Variants in WDR87 observed in about 807,000 individuals in gnomAD.
WDR87 encodes the protein WD repeat-containing protein 87.
Under a neutral mutation model 83.3 loss-of-function variants are expected in WDR87, and 56 were observed. The observed-to-expected ratio is 0.67, with a 90% CI of 0.54 to 0.84. The LOEUF (loss-of-function observed/expected upper bound fraction) is 0.84. Among genes scored for constraint, WDR87 ranks in the 40% least tolerant of loss-of-function variants. WDR87 has a pLI of 0.00. For synonymous variants in WDR87, 1,173 were observed against 1,250.6 expected (o/e 0.94, Z 1.31); for missense variants, 2,939 against 3,431.9 (o/e 0.86, Z 3.59).
At chr19:37,891,318 C>T (rs2046203131) in intron 5 of WDR87, among the ~76,000 whole-genome samples, 1 of 152,050 alleles carries the variant, frequency 6.6e-6, no homozygotes, top group Non-Finnish European at 1.5e-5. Flanking sequence ...CACCCACCAT[C>T]ATGCCTGGCT....
At position 37,887,770 on chromosome 19, in the gene WDR87, C is replaced by A. The variant is rs896256105; in HGVS notation, c.5901G>T (p.Glu1967Asp). ...ATTTCATTTTTTCCTGGGCCAATTT[C>A]TCCTGTTTTTTGGCCAAACTATCCT... ...QVEDSLAKKQ[E>D]KLAQEKMKLA... The change falls in exon 6 of 6, where the codon GAG (glutamate) becomes GAT (aspartate). Residue 1967 changes from glutamate (E) to aspartate (D), a missense_variant. Physicochemically the swap from Glu to Asp is conservative, Grantham distance 45. This residue lies in a region of WDR87 where 2,160 missense variants were observed against 2,533.1 expected (regional missense o/e 0.85). Transcript: ENST00000447313. 63 of 1,551,804 alleles carry A rather than the reference C, an allele frequency of 4.1e-5. 1 individual carries two copies. The highest frequency in any genetic ancestry group is 5.3e-5 in the Non-Finnish European group (61 of 1,147,070).
chr19:37,893,099 T>C lies in WDR87; in HGVS notation c.2604A>G (p.Val868=), dbSNP rs367689404. Residue 868 remains valine, a synonymous_variant, in exon 4 of 6, where the codon GTA becomes GTG. Transcript: ENST00000447313. ...SQEFFFWHSR[V]RAISNTEYPK... ...GATATTCTGTATTACTTATAGCTCTTACCCTGCTGTGCCAGAAAAAGAATT... is the reference window on the plus strand; with the variant it reads ...GATATTCTGTATTACTTATAGCTCTCACCCTGCTGTGCCAGAAAAAGAATT... 6.4e-6 allele frequency: 10 copies of C among 1,551,678 alleles called. No homozygotes were observed. In the African/African-American group the frequency reaches 1.4e-4, roughly 21 times the overall value.
Position 37,898,148 on chromosome 19 carries a change from T to C in WDR87, c.75+17A>G. ...GCAGCCAACCTATAATATGTTTATG[T>C]CCTACATATACATTACCTTGCTTTT... On this transcript the variant is annotated intron_variant, in intron 2 of 5. Transcript: ENST00000447313. The C allele has an allele frequency of 1.3e-6, 2 of 1,551,446 alleles. No homozygotes were observed. The highest frequency in any genetic ancestry group is 1.4e-5 in the African/African-American group (1 of 73,160).
chr19:37,894,250 C>T lies in WDR87; in HGVS notation c.1453G>A (p.Val485Met). The change falls in exon 4 of 6, where the codon GTG (valine) becomes ATG (methionine). Residue 485 changes from valine (V) to methionine (M), a missense_variant. Val to Met is a conservative substitution (Grantham distance 21, BLOSUM62 1). Transcript: ENST00000447313. ...GLIFSGHQSG[V>M]IRVLSQHSCA... ...CTGTGCTGGGAGAGCACTCTTATCA[C>T]ACCACTCTGGTGCCCAGAGAATATC... The T allele has an allele frequency of 5.8e-6, 9 of 1,551,852 alleles. No individual in the cohort carries two copies. Among genetic ancestry groups the T allele is most frequent in the Non-Finnish European group, 7.8e-6 (9 of 1,147,026 alleles).
chr19:37,890,148 C>A lies in WDR87; in HGVS notation c.3523G>T (p.Val1175Phe). ...GTGCTTGAAGACCATTGGGAATAGA[C>A]GGATGCTTCCTCCATCTCAATTGGT... ...AAPIEMEEAS[V>F]YSQWSSSTSV... Residue 1175 changes from valine (V) to phenylalanine (F), a missense_variant, in exon 6 of 6, where the codon GTC becomes TTC. Transcript: ENST00000447313. The A allele has an allele frequency of 1.3e-6, 2 of 1,551,902 alleles. No individual in the cohort carries two copies. Among genetic ancestry groups the A allele is most frequent in the Admixed American group, 2.0e-5 (1 of 50,984 alleles).
At position 37,888,364 on chromosome 19, in the gene WDR87, C is replaced by A; in HGVS notation, c.5307G>T (p.Trp1769Cys). 2 of 1,551,996 alleles carry A rather than the reference C, an allele frequency of 1.3e-6. No individual in the cohort carries two copies. The highest frequency in any genetic ancestry group is 1.7e-6 in the Non-Finnish European group (2 of 1,147,074). ...ELEWDMEELS[W>C]KEEELNQEEG... is the part of the protein sequence containing the mutation. ...CTTCCTGATTCAGTTCCTCTTCTTTCCAAGACAGTTCTTCCATGTCCCATT... is the reference window on the plus strand; with the variant it reads ...CTTCCTGATTCAGTTCCTCTTCTTTACAAGACAGTTCTTCCATGTCCCATT... The change falls in exon 6 of 6, where the codon TGG (tryptophan) becomes TGT (cysteine). Residue 1769 changes from tryptophan to cysteine, a missense_variant. Coordinates refer to ENST00000447313, the MANE Select transcript of WDR87 (RefSeq NM_001291088.2).
chr19:37,889,224 G>T lies in WDR87; in HGVS notation c.4447C>A (p.Gln1483Lys). ...MATLEEKVVKQEGKLVMIERT... is the reference protein window; with the variant it reads ...MATLEEKVVKKEGKLVMIERT... ...TCAATCATAACCAGTTTTCCTTCTT[G>T]TTTGACCACTTTCTCCTCTAGTGTG... The change falls in exon 6 of 6, where the codon CAA becomes AAA. Residue 1483 changes from glutamine (Q) to lysine (K), a missense_variant. Gln to Lys is a moderately conservative substitution (Grantham distance 53). Around this residue, in one of 3 missense-constraint regions of WDR87, gnomAD observed 2,160 missense variants for 2,533.1 expected, o/e 0.85. Transcript: ENST00000447313. 6.4e-7 allele frequency: 1 copy of T among 1,551,876 alleles called. No individual in the cohort carries two copies.
intron 1 of WDR87, among the ~76,000 whole-genome samples, chr19:37,904,710 C>T (rs1393932853): frequency 6.6e-6 from 1 of 152,154 alleles, no homozygotes; most frequent in Non-Finnish European, 1.5e-5. Context: ...ATTCACTTTT[C>T]TCTTAATATA....
rs2046169813 is a variant in WDR87 at position 37,888,310 on chromosome 19, TTTC to T, written c.5358_5360del (p.Lys1787del). The T allele has an allele frequency of 6.4e-7, 1 of 1,551,502 alleles. No individual in the cohort carries two copies. Among genetic ancestry groups the T allele is most frequent in the East Asian group, 2.4e-5 (1 of 40,892 alleles). ...CCAATGCCTCCTCTTCCTCAGCCAGTTTCTTCTTTTCCTCAACCAGTTTCCCCT... is the reference window on the plus strand; with the variant it reads ...CCAATGCCTCCTCTTCCTCAGCCAGTTTCTTTTCCTCAACCAGTTTCCCCT... On this transcript the variant is annotated inframe_deletion, in exon 6 of 6. Coordinates refer to ENST00000447313, the MANE Select transcript of WDR87 (RefSeq NM_001291088.2).
At chr19:37,902,390 T>A (rs1405785618) in intron 1 of WDR87, among the ~76,000 whole-genome samples, 1 of 151,144 alleles carries the variant, frequency 6.6e-6, no homozygotes, top group East Asian at 1.9e-4. Flanking sequence ...AATTTTGTAT[T>A]TTTTTTTAGT....
chr19:37,886,832 TC>T lies in WDR87; in HGVS notation c.6838del (p.Glu2280ArgfsTer73). 2 of 1,550,788 alleles carry T rather than the reference TC, an allele frequency of 1.3e-6. No homozygotes were observed. The highest frequency in any genetic ancestry group is 1.7e-6 in the Non-Finnish European group (2 of 1,146,850). On this transcript the variant is annotated frameshift_variant, in exon 6 of 6. Coordinates refer to ENST00000447313, the MANE Select transcript of WDR87 (RefSeq NM_001291088.2). LOFTEE classifies it low-confidence loss of function (END_TRUNC). ...CTCCTCCTCCTCAGAAGACAAACTC[TC>T]TTGCTTTTCTAGTTCATCTAACAGG... ...ESLLDELEKQ[E>X]SLSSEEEEER...
rs2046147321 is a variant in WDR87 at position 37,886,582 on chromosome 19, C to T, written c.7089G>A (p.Glu2363=). The part of the protein sequence containing the change: ...SEEETESLSD[E]EEEEESCSLE... ...ATGAGCAGCTCTCCTCTTCCTCTTC[C>T]TCGTCACTCAAACTTTCTGTCTCTT... is the stretch of plus-strand genomic sequence containing the variant. The change falls in exon 6 of 6, where the codon GAG becomes GAA. Residue 2363 remains glutamate, a synonymous_variant. Transcript: ENST00000447313. The T allele has an allele frequency of 1.3e-6, 2 of 1,520,448 alleles. No homozygotes were observed. The highest frequency in any genetic ancestry group is 1.8e-6 in the Non-Finnish European group (2 of 1,136,636). 94.2% of individuals were successfully genotyped at this position (1,520,448 alleles called of 1,614,324 possible).
intron 1 of WDR87, among the ~76,000 whole-genome samples, chr19:37,906,112 C>T (rs1037251344): frequency 3.3e-5 from 5 of 152,182 alleles, no homozygotes; most frequent in African/African-American, 1.2e-4. Flanking sequence ...TCCGGCTTCT[C>T]CACCAGAGGA....
Position 37,895,292 on chromosome 19 carries a change from A to G in WDR87, c.411T>C (p.Phe137=). The change falls in exon 4 of 6, where the codon TTT becomes TTC. Residue 137 remains phenylalanine, a synonymous_variant. Coordinates refer to ENST00000447313, the MANE Select transcript of WDR87 (RefSeq NM_001291088.2). ...CTTTACCCAGGGGTTTGAATGCCCG[A>G]AAGTGGTCCCCAAAGAGTCGCAGGA... The part of the protein sequence containing the change: ...DLILRLFGDH[F]RAFKPLGKVP... The G allele has an allele frequency of 6.4e-7, 1 of 1,551,746 alleles. No individual in the cohort carries two copies. The highest frequency in any genetic ancestry group is 1.2e-5 in the South Asian group (1 of 84,064).
In WDR87 at chr19:37,892,688, C is replaced by T; in HGVS notation, c.3015G>A (p.Lys1005=). Residue 1005 remains lysine, a synonymous_variant, in exon 4 of 6, where the codon AAG becomes AAA. Coordinates refer to ENST00000447313, the MANE Select transcript of WDR87 (RefSeq NM_001291088.2). The stretch of plus-strand genomic sequence containing the variant: ...GGGTCTTGATCCTCACTCTTTCATC[C>T]TTGTCCATTAATCCTTGAGCCAGAG... The part of the protein sequence containing the change: ...AMPLAQGLMD[K]DERVRIKTLS... The T allele has an allele frequency of 6.4e-7, 1 of 1,551,822 alleles. No homozygotes were observed. Among genetic ancestry groups the T allele is most frequent in the Non-Finnish European group, 8.7e-7 (1 of 1,147,018 alleles).
rs1568448473 is a variant in WDR87, at chr19:37,886,792, T to TTCCTCCCTTTCCTCC, written c.6878_6879insGGAGGAAAGGGAGGA (p.Arg2296_Glu2300dup). 6.6e-6 allele frequency: 10 copies of TTCCTCCCTTTCCTCC among 1,516,594 alleles called. No individual in the cohort carries two copies. Among genetic ancestry groups the TTCCTCCCTTTCCTCC allele is most frequent in the Non-Finnish European group, 8.9e-6 (10 of 1,121,806 alleles). 93.9% of individuals were successfully genotyped at this position (1,516,594 alleles called of 1,614,324 possible). On this transcript the variant is annotated inframe_insertion, in exon 6 of 6. Coordinates refer to ENST00000447313, the MANE Select transcript of WDR87 (RefSeq NM_001291088.2). ...TTTCCTCCTCCTCCTCCCTTTCCTC[T>TTCCTCCCTTTCCTCC]TCTTCCTCCCTTTCCTCCTCCTCCT... is the stretch of plus-strand genomic sequence containing the variant.
Position 37,889,432 on chromosome 19 carries a change from A to T in WDR87, c.4239T>A (p.Ile1413=). ...QVILKKGKKV[I]FLEPGNVTMG... ...TGGTTACATTACCTGGTTCTAAAAA[A>T]ATAACTTTCTTGCCCTTTTTCAAAA... Residue 1413 remains isoleucine, a synonymous_variant, in exon 6 of 6, where the codon ATT becomes ATA. Coordinates refer to ENST00000447313, the MANE Select transcript of WDR87 (RefSeq NM_001291088.2). 1 of 1,551,812 alleles carries T rather than the reference A, an allele frequency of 6.4e-7. No individual in the cohort carries two copies. Among genetic ancestry groups the T allele is most frequent in the South Asian group, 1.2e-5 (1 of 84,052 alleles).
rs1477572759 is a variant in WDR87, at chr19:37,890,136, A to G, written c.3535T>C (p.Trp1179Arg). 2 of 1,551,962 alleles carry G rather than the reference A, an allele frequency of 1.3e-6. No homozygotes were observed. The highest frequency in any genetic ancestry group is 2.0e-5 in the Admixed American group (1 of 50,998). Residue 1179 changes from tryptophan (W) to arginine (R), a missense_variant, in exon 6 of 6, where the codon TGG becomes CGG. By Grantham distance (101) the Trp-to-Arg change is moderately radical. This residue lies in a region of WDR87 where 2,160 missense variants were observed against 2,533.1 expected (regional missense o/e 0.85). Transcript: ENST00000447313. ...EMEEASVYSQ[W>R]SSSTSVIKLS... Reference sequence around the variant, plus strand: ...TTTATTACACTGGTGCTTGAAGACCATTGGGAATAGACGGATGCTTCCTCC... The same window carrying G: ...TTTATTACACTGGTGCTTGAAGACCGTTGGGAATAGACGGATGCTTCCTCC...
At chr19:37,892,461 G>A (rs1260722108) in intron 4 of WDR87, 117 bp downstream of exon 4, 2 of 991,532 alleles carry the variant, frequency 2.0e-6, no homozygotes, top group Non-Finnish European at 2.9e-6. Context: ...CGTGAGCAAA[G>A]GCTATGAGAA....
Sources: allele counts gnomAD v4.1 joint callset (sites outside exome capture counted in the v4.1 genomes callset), GRCh38; gene constraint gnomAD v4.1.1; regional missense constraint gnomAD v4.1.1; transcripts MANE v1.5; gene names NCBI Gene and HGNC (gene_info 2026-07-23, HGNC 2026-07-21).